DUOX1: variants seen among roughly 807,000 people sequenced by gnomAD.
The protein encoded by DUOX1 is dual oxidase 1, also known as NADPH thyroid oxidase 1.
Under a neutral mutation model 181.8 loss-of-function variants are expected in DUOX1, and 134 were observed. That is an observed-to-expected ratio of 0.74 (90% CI 0.64 to 0.85). The LOEUF (loss-of-function observed/expected upper bound fraction) is 0.85. DUOX1 is among the 40% of genes least tolerant of loss of function. DUOX1 has a pLI of 0.00. For synonymous variants in DUOX1, 798 were observed against 832.5 expected (o/e 0.96, Z 0.71); for missense variants, 1,814 against 2,064.4 (o/e 0.88, Z 2.35).
At chr15:45,160,045 G>A (rs1466669194) in intron 28 of DUOX1, among the ~76,000 whole-genome samples, 1 of 152,066 alleles carries the variant, frequency 6.6e-6, no homozygotes, top group African/African-American at 2.4e-5. Context: ...CCAGCTACTC[G>A]GGAGGCTGAG....
intron 9 of DUOX1, 92 bp downstream of exon 9, chr15:45,136,717 T>G (rs1366745240): frequency 8.2e-7 from 1 of 1,225,884 alleles, no homozygotes; most frequent in Admixed American, 1.8e-5. Flanking sequence ...TACAGGATTA[T>G]CAGTCTGAAG....
At chr15:45,138,078 A>ACGTGTG in intron 10 of DUOX1, 64 bp downstream of exon 10, 1 of 547,328 alleles carries the variant, frequency 1.8e-6, no homozygotes, top group Non-Finnish European at 2.9e-6. Context: ...GTGTGTGTGT[A>ACGTGTG]TGTGTGTGTG....
At chr15:45,160,802 C>T (rs374526642) in intron 28 of DUOX1, 35 bp from the exon 29 acceptor site, 57 of 1,570,570 alleles carry the variant, frequency 3.6e-5, no homozygotes, top group African/African-American at 1.5e-4. Context: ...CTATGGGCAT[C>T]GCTAGGTCTG....
intron 17 of DUOX1, among the ~76,000 whole-genome samples, 177 bp downstream of exon 17, chr15:45,144,412 T>C (rs1896595701): frequency 6.6e-6 from 1 of 152,264 alleles, no homozygotes; most frequent in Admixed American, 6.5e-5. Flanking sequence ...ACGTTTATCC[T>C]GCTCCGGGTC....
rs781192253 is a variant in DUOX1 at position 45,151,961 on chromosome 15, C to T, written c.3102C>T (p.Phe1034=). 6.2e-7 allele frequency: 1 copy of T among 1,614,054 alleles called. No homozygotes were observed. The highest frequency in any genetic ancestry group is 2.2e-5 in the East Asian group (1 of 44,860). Residue 1034 remains phenylalanine (F), a synonymous_variant, in exon 24 of 34, where the codon TTC becomes TTT. Coordinates refer to ENST00000389037, the MANE Select transcript of DUOX1 (RefSeq NM_175940.3). ...GTCTCCACCAGACGGTGCAACAGTT[C>T]AAGCGCTTCATTGAGAACTACCGGC... ...RSCLHQTVQQ[F]KRFIENYRRH... is the part of the protein sequence containing the mutation.
At chr15:45,147,019 G>A (rs1358285005) in intron 18 of DUOX1, among the ~76,000 whole-genome samples, 10 of 152,216 alleles carry the variant, frequency 6.6e-5, no homozygotes, top group Non-Finnish European at 1.5e-5. Context: ...TGAGAATACA[G>A]AGATGTCTCA....
rs780713336 is a variant in DUOX1 at position 45,161,724 on chromosome 15, C to T, written c.3857-14C>T. 11 of 1,611,624 alleles carry T rather than the reference C, an allele frequency of 6.8e-6. No individual in the cohort carries two copies. In the South Asian group the frequency reaches 1.1e-4, roughly 16 times the overall value. On this transcript the variant is annotated splice_polypyrimidine_tract_variant and intron_variant, in intron 29 of 33. Transcript: ENST00000389037. ...GTTCAGGGCAGCAGCTTCTCACCCA[C>T]CATCCCTCCCCAGGAGTGACCCACC...
In DUOX1 at chr15:45,134,312, G is replaced by A; in HGVS notation, c.307+3G>A. ...CACAGTGTTGGGGGTCTTCTTTGGT[G>A]AGAACTTCAACCTCTGGGGAAGGAA... On this transcript the variant is annotated splice_donor_region_variant and intron_variant, in intron 4 of 33. Coordinates refer to ENST00000389037, the MANE Select transcript of DUOX1 (RefSeq NM_175940.3). 2 of 1,591,856 alleles carry A rather than the reference G, an allele frequency of 1.3e-6. No individual in the cohort carries two copies. Among genetic ancestry groups the A allele is most frequent in the Non-Finnish European group, 1.7e-6 (2 of 1,171,326 alleles).
At position 45,151,621 on chromosome 15, in the gene DUOX1, A is replaced by T. The variant is rs1408560408; in HGVS notation, c.3015-253A>T. Among the ~76,000 whole-genome samples the T allele has an allele frequency of 2.0e-5, 3 of 152,108 alleles. No individual in the cohort carries two copies. In the East Asian group the frequency reaches 5.8e-4, roughly 29 times the overall value. On this transcript the variant is annotated intron_variant, in intron 23 of 33. Coordinates refer to ENST00000389037, the MANE Select transcript of DUOX1 (RefSeq NM_175940.3). ...GGAGAGGGACTGAGTGTGAATGAAC[A>T]CAGGTAGATGGAGTACATCCCCTGG...
chr15:45,143,334 G>T (rs1335044672), intron 16 of DUOX1, 31 bp downstream of exon 16: 1 of 1,574,626 alleles, frequency 6.4e-7, no homozygotes. Flanking sequence ...GGTGGTGGTA[G>T]GGAGGACATG....
intron 12 of DUOX1, chr15:45,140,001 G>C: frequency 8.7e-7 from 1 of 1,148,046 alleles, no homozygotes; most frequent in Non-Finnish European, 1.2e-6. Context: ...ACCTGGACTG[G>C]TGGCCCAGGC....
chr15:45,140,106 G>C, intron 12 of DUOX1: 3 of 1,300,506 alleles, frequency 2.3e-6, no homozygotes, highest in Non-Finnish European at 3.1e-6. Flanking sequence ...GCACAAATTG[G>C]TCAAGGATGA....
chr15:45,138,078 A>ATG (rs72204897), intron 10 of DUOX1, 64 bp downstream of exon 10: 55,236 of 526,750 alleles, frequency 0.1, 1,073 homozygotes, highest in African/African-American at 0.22. Flanking sequence ...GTGTGTGTGT[A>ATG]TGTGTGTGTG....
At chr15:45,142,341 A>G (rs558555873) in intron 15 of DUOX1, among the ~76,000 whole-genome samples, 2 of 152,298 alleles carry the variant, frequency 1.3e-5, no homozygotes, top group East Asian at 3.9e-4. Flanking sequence ...CCCAGGGCCC[A>G]GCATTGGTCA....
intron 4 of DUOX1, 102 bp from the exon 5 acceptor site, chr15:45,135,002 A>T (rs1032267785): frequency 7.1e-7 from 1 of 1,403,952 alleles, no homozygotes; most frequent in Non-Finnish European, 9.7e-7. Flanking sequence ...ATGGCTGCTG[A>T]GTCTTTTGAA....
Position 45,153,993 on chromosome 15 carries a change from C to G in DUOX1, c.3567C>G (p.Thr1189=), listed in dbSNP as rs141582627. ...PQKYYWWFFQ[T]VPGLTGVVLL... is the part of the protein sequence containing the mutation. The stretch of plus-strand genomic sequence containing the variant: ...AGTATTACTGGTGGTTCTTCCAGAC[C>G]GTACCAGGTGAGAACCCTCCTTGAT... Residue 1189 remains threonine (T), a synonymous_variant, in exon 27 of 34, where the codon ACC becomes ACG. Coordinates refer to ENST00000389037, the MANE Select transcript of DUOX1 (RefSeq NM_175940.3). 6.2e-7 allele frequency: 1 copy of G among 1,613,412 alleles called. No individual in the cohort carries two copies. Among genetic ancestry groups the G allele is most frequent in the Non-Finnish European group, 8.5e-7 (1 of 1,179,434 alleles).
At position 45,162,246 on chromosome 15, in the gene DUOX1, G is replaced by A. The variant is rs952665853; in HGVS notation, c.4117G>A (p.Gly1373Ser). 7 of 1,611,474 alleles carry A rather than the reference G, an allele frequency of 4.3e-6. No homozygotes were observed. Among genetic ancestry groups the A allele is most frequent in the Non-Finnish European group, 5.1e-6 (6 of 1,178,516 alleles). The part of the protein sequence containing the change: ...KLYLDGPFGE[G>S]HQEWHKFEVS... ...GTACCTTGATGGACCATTTGGAGAGGGCCACCAGGAGTGGCATAAGTTTGA... is the reference window on the plus strand; with the variant it reads ...GTACCTTGATGGACCATTTGGAGAGAGCCACCAGGAGTGGCATAAGTTTGA... Residue 1373 changes from glycine (G) to serine (S), a missense_variant, in exon 31 of 34, where the codon GGC becomes AGC. Around this residue, in one of 5 missense-constraint regions of DUOX1, gnomAD observed 279 missense variants for 381.9 expected, o/e 0.73. Transcript: ENST00000389037.
intron 14 of DUOX1, 97 bp downstream of exon 14, chr15:45,141,507 G>A: frequency 7.5e-7 from 1 of 1,337,708 alleles, no homozygotes; most frequent in African/African-American, 1.4e-5. Context: ...GTCAATCTCT[G>A]TGCTCCAAGA....
At chr15:45,155,508 G>C (rs1160531036) in intron 27 of DUOX1, 1 of 321,386 alleles carries the variant, frequency 3.1e-6, no homozygotes, top group East Asian at 6.9e-5. Flanking sequence ...AGAGGTTGCA[G>C]TGAGCCGAGA....
Sources: allele counts gnomAD v4.1 joint callset (sites outside exome capture counted in the v4.1 genomes callset), GRCh38; gene constraint gnomAD v4.1.1; regional missense constraint gnomAD v4.1.1; transcripts MANE v1.5; gene names NCBI Gene and HGNC (gene_info 2026-07-23, HGNC 2026-07-21).